The following QTMAN variants were observed in gnomAD, a reference collection of about 807,000 sequenced individuals.
QTMAN encodes the protein queuosine-tRNA mannosyltransferase.
chr2:144,126,215 G>A, the QTMAN span, among the ~76,000 whole-genome samples: 1 of 151,760 alleles, frequency 6.6e-6, no homozygotes, highest in Non-Finnish European at 1.5e-5. Context: ...TCCACAGTTT[G>A]TAATTTGGTA....
the QTMAN span, among the ~76,000 whole-genome samples, chr2:143,999,634 T>C: frequency 1.3e-5 from 2 of 152,006 alleles, no homozygotes; most frequent in African/African-American, 4.8e-5. Context: ...TCCATCCATA[T>C]CACCTAGCTA....
chr2:144,291,115 A>G, the QTMAN span, among the ~76,000 whole-genome samples: 11 of 152,122 alleles, frequency 7.2e-5, no homozygotes, highest in Non-Finnish European at 1.5e-4. Flanking sequence ...CCCTCTGTAA[A>G]TATCTGTGTC....
At chr2:144,050,951 T>C in the QTMAN span, among the ~76,000 whole-genome samples, 2 of 152,180 alleles carry the variant, frequency 1.3e-5, no homozygotes, top group Admixed American at 6.5e-5. Flanking sequence ...AACACACAAA[T>C]ATAAAGGGTT....
At chr2:143,956,311 G>T in the QTMAN span, among the ~76,000 whole-genome samples, 1 of 152,104 alleles carries the variant, frequency 6.6e-6, no homozygotes, top group African/African-American at 2.4e-5. Flanking sequence ...TTTCTAAAGG[G>T]TATAGAGTAA....
the QTMAN span, among the ~76,000 whole-genome samples, chr2:144,055,099 G>C: frequency 1.3e-5 from 2 of 152,058 alleles, no homozygotes; most frequent in African/African-American, 4.8e-5. Flanking sequence ...ATGAACTTAG[G>C]CTAGCGGAGT....
chr2:144,287,396 G>A, the QTMAN span, among the ~76,000 whole-genome samples: 915 of 148,728 alleles, frequency 6.2e-3, 10 homozygotes, highest in African/African-American at 0.021. Context: ...CCAAGATCGC[G>A]CCACTGCACT....
At chr2:143,947,126 C>G in the QTMAN span, 2 of 1,612,162 alleles carry the variant, frequency 1.2e-6, no homozygotes, top group Non-Finnish European at 1.7e-6. Context: ...GAAAACGGAG[C>G]GATTTCACCC....
At chr2:144,314,540 G>GT in the QTMAN span, among the ~76,000 whole-genome samples, 2 of 152,030 alleles carry the variant, frequency 1.3e-5, no homozygotes, top group Non-Finnish European at 2.9e-5. Flanking sequence ...GTGAAACTCC[G>GT]TCTCTACTAA....
the QTMAN span, among the ~76,000 whole-genome samples, chr2:144,180,752 C>A: frequency 6.6e-6 from 1 of 151,968 alleles, no homozygotes. Context: ...CTCTTTTAGT[C>A]CGTATATTGG....
At chr2:144,171,046 C>G in the QTMAN span, among the ~76,000 whole-genome samples, 1 of 152,106 alleles carries the variant, frequency 6.6e-6, no homozygotes, top group East Asian at 1.9e-4. Flanking sequence ...GCTGTGAGAC[C>G]TGGAGGCAGT....
At chr2:144,212,021 T>C in the QTMAN span, among the ~76,000 whole-genome samples, 10 of 152,194 alleles carry the variant, frequency 6.6e-5, no homozygotes, top group Non-Finnish European at 1.2e-4. Flanking sequence ...GGGTTTCCTT[T>C]GTAGAAGGAG....
chr2:144,308,532 G>A, the QTMAN span, among the ~76,000 whole-genome samples: 2 of 151,954 alleles, frequency 1.3e-5, no homozygotes, highest in Non-Finnish European at 2.9e-5. Context: ...ATATAGAAGA[G>A]AACAAACCTT....
At chr2:143,957,607 C>T in the QTMAN span, among the ~76,000 whole-genome samples, 44 of 151,934 alleles carry the variant, frequency 2.9e-4, no homozygotes, top group Non-Finnish European at 7.4e-5. Context: ...GCTTAGCAGA[C>T]ACTGAAACAA....
the QTMAN span, among the ~76,000 whole-genome samples, chr2:144,037,918 T>C: frequency 2.0e-5 from 3 of 152,196 alleles, no homozygotes; most frequent in African/African-American, 7.2e-5. Context: ...AAATAATTCC[T>C]TTGGTTACAT....
At chr2:144,247,238 A>C in the QTMAN span, among the ~76,000 whole-genome samples, 1 of 152,212 alleles carries the variant, frequency 6.6e-6, no homozygotes, top group Non-Finnish European at 1.5e-5. Flanking sequence ...AAAAAATTGA[A>C]ATGTATTATC....
the QTMAN span, among the ~76,000 whole-genome samples, chr2:143,993,505 T>C: frequency 6.6e-6 from 1 of 151,914 alleles, no homozygotes. Context: ...CAATTGCATG[T>C]ATTCTTATAA....
the QTMAN span, among the ~76,000 whole-genome samples, chr2:144,091,302 T>G: frequency 6.6e-6 from 1 of 152,200 alleles, no homozygotes; most frequent in Non-Finnish European, 1.5e-5. Flanking sequence ...ATTGTGAAAA[T>G]CTAAATGTAA....
the QTMAN span, among the ~76,000 whole-genome samples, chr2:144,247,556 G>A: frequency 6.6e-6 from 1 of 152,138 alleles, no homozygotes; most frequent in African/African-American, 2.4e-5. Flanking sequence ...AGTCAACAAT[G>A]TCTAAAATAA....
the QTMAN span, among the ~76,000 whole-genome samples, chr2:144,002,181 T>C: frequency 1.7e-4 from 26 of 151,996 alleles, no homozygotes; most frequent in Non-Finnish European, 2.9e-4. Flanking sequence ...AGCAGTAAAA[T>C]TTATTAATTT....
Sources: gnomAD v4.1 joint callset for allele counts (sites outside exome capture counted in the v4.1 genomes callset) on GRCh38, gnomAD v4.1.1 for gene constraint, MANE v1.5 for transcripts, NCBI Gene and HGNC (gene_info 2026-07-23, HGNC 2026-07-21) for gene names.